The following MYOM2 variants were observed in gnomAD, a reference collection of about 807,000 sequenced individuals.
The protein encoded by MYOM2 is myomesin 2.
A neutral mutation model predicts 187.6 loss-of-function variants in MYOM2; 254 were observed. That is an observed-to-expected ratio of 1.35 (90% CI 1.22 to 1.50). The LOEUF is 1.50. Ranked by LOEUF, MYOM2 falls within the 40% of genes most tolerant of loss-of-function variation. MYOM2 has a pLI of 0.00. For missense variants in MYOM2, 2,796 were observed against 1,924.0 expected, an observed-to-expected ratio of 1.45 and a Z score of -8.48; for synonymous variants, 981 against 753.8, an observed-to-expected ratio of 1.30 and a Z score of -4.94.
intron 20 of MYOM2, chr8:2,102,005 C>T (rs1393471891): frequency 1.3e-5 from 2 of 152,264 alleles, no homozygotes; most frequent in African/African-American, 2.4e-5. Flanking sequence ...AGGTTTTCTT[C>T]TCTGGGTGCT....
chr8:2,096,259 A>T lies in MYOM2; in HGVS notation c.2138A>T (p.His713Leu). The T allele has an allele frequency of 6.2e-7, 1 of 1,613,978 alleles. No individual in the cohort carries two copies. Among genetic ancestry groups the T allele is most frequent in the Non-Finnish European group, 8.5e-7 (1 of 1,179,980 alleles). Residue 713 changes from histidine (H) to leucine (L), a missense_variant, in exon 18 of 37, where the codon CAT becomes CTT. Coordinates refer to ENST00000262113, the MANE Select transcript of MYOM2 (RefSeq NM_003970.4). ...KVQAALTVPS[H>L]PYGITLLNCD... ...TGCTTCCTTGCAGCCGTCCCGTCCCATCCTTATGGGATTACGCTCCTCAAC... is the reference window on the plus strand; with the variant it reads ...TGCTTCCTTGCAGCCGTCCCGTCCCTTCCTTATGGGATTACGCTCCTCAAC...
intron 13 of MYOM2, among the ~76,000 whole-genome samples, chr8:2,084,512 A>G (rs1488984292): frequency 2.6e-5 from 4 of 152,220 alleles, no homozygotes; most frequent in African/African-American, 9.6e-5. Context: ...CACAATTTCA[A>G]GAACTGTGGG....
At chr8:2,057,835 A>G (rs1585827352) in intron 5 of MYOM2, 55 bp downstream of exon 5, 5 of 1,581,846 alleles carry the variant, frequency 3.2e-6, no homozygotes, top group East Asian at 4.5e-5. Context: ...TTTCTTTCAG[A>G]AAGACCCCAG....
intron 16 of MYOM2, among the ~76,000 whole-genome samples, chr8:2,093,445 T>C (rs544589476): frequency 6.6e-6 from 1 of 152,322 alleles, no homozygotes; most frequent in South Asian, 2.1e-4. Flanking sequence ...TTCCATGTAG[T>C]GCCTGCAATA....
At chr8:2,048,261 A>G (rs1353937053) in intron 1 of MYOM2, among the ~76,000 whole-genome samples, 1 of 152,222 alleles carries the variant, frequency 6.6e-6, no homozygotes, top group Non-Finnish European at 1.5e-5. Flanking sequence ...AGAACCTTGG[A>G]TAGGAAACCG....
rs115806111 is a variant in MYOM2 at position 2,070,787 on chromosome 8, C to T, written c.793+1290C>T. 9.9e-3 allele frequency among the ~76,000 whole-genome samples: 1,511 copies of T among 152,246 alleles called. 30 individuals are homozygous for T. The highest frequency in any genetic ancestry group is 0.035 in the African/African-American group (1,440 of 41,548). The stretch of plus-strand genomic sequence containing the variant: ...TCGTCGAAGTCAAATTTATATAACA[C>T]GACATTAACCATTGTACATAACACA... On this transcript the variant is annotated intron_variant, in intron 8 of 36. Coordinates refer to ENST00000262113, the MANE Select transcript of MYOM2 (RefSeq NM_003970.4).
At chr8:2,069,397 C>A (rs1025420498) in intron 7 of MYOM2, 31 bp downstream of exon 7, 1 of 1,613,838 alleles carries the variant, frequency 6.2e-7, no homozygotes, top group Admixed American at 1.7e-5. Flanking sequence ...CACGGGGCAC[C>A]TCCCGCCTCC....
intron 13 of MYOM2, among the ~76,000 whole-genome samples, chr8:2,079,944 A>ATCCTTTCTCACAG (rs1444898537): frequency 2.6e-5 from 4 of 152,160 alleles, no homozygotes; most frequent in African/African-American, 9.7e-5. Flanking sequence ...GTGATGTAAG[A>ATCCTTTCTCACAG]TCCTTTCTCA....
chr8:2,143,324 A>C (rs17752076), intron 35 of MYOM2, 77 bp from the exon 36 acceptor site: 1 of 1,529,526 alleles, frequency 6.5e-7, no homozygotes, highest in Non-Finnish European at 9.1e-7. Context: ...CTTGGTACCC[A>C]CTGCTGCTTA....
chr8:2,059,042 C>T (rs2294055), intron 5 of MYOM2, 111 bp from the exon 6 acceptor site: 1 of 845,682 alleles, frequency 1.2e-6, no homozygotes, highest in Non-Finnish European at 1.9e-6. Flanking sequence ...GCCTGAGGCT[C>T]TAAGGGAAAC....
intron 14 of MYOM2, among the ~76,000 whole-genome samples, chr8:2,089,773 A>G (rs1796231008): frequency 6.6e-6 from 1 of 152,192 alleles, no homozygotes; most frequent in South Asian, 2.1e-4. Context: ...ACTTTAATGG[A>G]AAAAAATTTA....
rs747320493 is a variant in MYOM2, at chr8:2,140,795, T to G, written c.3873T>G (p.Cys1291Trp). The change falls in exon 33 of 37, where the codon TGT becomes TGG. Residue 1291 changes from cysteine (C) to tryptophan (W), a missense_variant. Cys to Trp is a radical substitution (Grantham distance 215, BLOSUM62 -2). Coordinates refer to ENST00000262113, the MANE Select transcript of MYOM2 (RefSeq NM_003970.4). ...GSEEMAWLQI[C>W]EPTEKDKGKY... is the part of the protein sequence containing the mutation. ...AAGAGATGGCTTGGCTGCAGATATG[T>G]GAGCCGACTGAGAAGGATAAAGGAA... 6.2e-7 allele frequency: 1 copy of G among 1,614,108 alleles called. No homozygotes were observed. Among genetic ancestry groups the G allele is most frequent in the East Asian group, 2.2e-5 (1 of 44,874 alleles).
chr8:2,078,732 A>G lies in MYOM2; in HGVS notation c.1263-2A>G. 1 of 1,614,018 alleles carries G rather than the reference A, an allele frequency of 6.2e-7. No homozygotes were observed. Among genetic ancestry groups the G allele is most frequent in the Non-Finnish European group, 8.5e-7 (1 of 1,179,962 alleles). On this transcript the variant is annotated splice_acceptor_variant, in intron 11 of 36. Coordinates refer to ENST00000262113, the MANE Select transcript of MYOM2 (RefSeq NM_003970.4). LOFTEE classifies it high-confidence loss of function. ...TGTTGTTTTTCTTTTTTTAACTTGA[A>G]GATGTGAAGTAGGAACGAATAATTG...
Position 2,140,376 on chromosome 8 carries a change from A to C in MYOM2, c.3801-347A>C, listed in dbSNP as rs150939079. Reference sequence around the variant, plus strand: ...ATATCTCTCCAAGACCCCGTGTCCAATTCTTCGGATCTACACAAGTAATTG... The same window carrying C: ...ATATCTCTCCAAGACCCCGTGTCCACTTCTTCGGATCTACACAAGTAATTG... On this transcript the variant is annotated intron_variant, in intron 32 of 36. Transcript: ENST00000262113. Among the ~76,000 whole-genome samples the C allele has an allele frequency of 9.2e-3, 709 of 77,444 alleles. 9 individuals are homozygous for C. Among genetic ancestry groups the C allele is most frequent in the East Asian group, 0.071 (228 of 3,198 alleles). 50.8% of individuals were successfully genotyped at this position (77,444 alleles called of 152,430 possible). A position where few individuals can be genotyped will look rare whatever the true frequency, so the allele number is the denominator to read the frequency against.
At chr8:2,104,189 G>C (rs35467226) in intron 21 of MYOM2, among the ~76,000 whole-genome samples, 90,738 of 151,964 alleles carry the variant, frequency 0.6, 27,418 homozygotes, top group African/African-American at 0.68. Context: ...ACGAATAAAA[G>C]TTCCCTGGAG....
chr8:2,088,077 A>G (rs979529686), intron 14 of MYOM2, among the ~76,000 whole-genome samples: 1 of 151,498 alleles, frequency 6.6e-6, no homozygotes, highest in Non-Finnish European at 1.5e-5. Context: ...TCCATTAGTT[A>G]TTGGGTACAG....
intron 23 of MYOM2, among the ~76,000 whole-genome samples, chr8:2,107,548 G>A (rs1023040260): frequency 1.5e-4 from 23 of 152,128 alleles, no homozygotes; most frequent in Non-Finnish European, 3.2e-4. Context: ...TATCCACGGA[G>A]GGGGAAGCCA....
Position 2,073,421 on chromosome 8 carries a change from G to C in MYOM2, c.1041G>C (p.Lys347Asn), listed in dbSNP as rs367785041. ...QASLSFSHLH[K>N]DDEGLYTLRI... Reference sequence around the variant, plus strand: ...CCCTGTCCTTCAGCCACCTGCACAAGGACGACGAGGGCCTGTACACCCTGC... The same window carrying C: ...CCCTGTCCTTCAGCCACCTGCACAACGACGACGAGGGCCTGTACACCCTGC... Residue 347 changes from lysine (K) to asparagine (N), a missense_variant, in exon 10 of 37, where the codon AAG becomes AAC. Coordinates refer to ENST00000262113, the MANE Select transcript of MYOM2 (RefSeq NM_003970.4). 6.2e-7 allele frequency: 1 copy of C among 1,613,180 alleles called. No individual in the cohort carries two copies. The highest frequency in any genetic ancestry group is 8.5e-7 in the Non-Finnish European group (1 of 1,179,856).
At chr8:2,047,117 C>G (rs1046150228) in intron 1 of MYOM2, among the ~76,000 whole-genome samples, 2 of 152,198 alleles carry the variant, frequency 1.3e-5, no homozygotes, top group Admixed American at 6.5e-5. Flanking sequence ...CTCTTCTGGT[C>G]CAAGCATTTT....
Sources: allele counts gnomAD v4.1 joint callset (sites outside exome capture counted in the v4.1 genomes callset), GRCh38; gene constraint gnomAD v4.1.1; transcripts MANE v1.5; gene names NCBI Gene and HGNC (gene_info 2026-07-23, HGNC 2026-07-21).